ATF6B: variants seen among roughly 807,000 people sequenced by gnomAD.
ATF6B encodes cyclic AMP-dependent transcription factor ATF-6 beta.
A neutral mutation model predicts 83.5 loss-of-function variants in ATF6B; 50 were observed. The observed-to-expected ratio is 0.60, with a 90% CI of 0.48 to 0.76. The LOEUF (loss-of-function observed/expected upper bound fraction) is 0.76. Among genes scored for constraint, ATF6B ranks in the 30% least tolerant of loss-of-function variants. The pLI is 0.00. For synonymous variants in ATF6B, 344 were observed against 362.8 expected, an observed-to-expected ratio of 0.95 and a Z score of 0.59; for missense variants, 790 against 893.8, an observed-to-expected ratio of 0.88 and a Z score of 1.48.
Position 32,115,834 on chromosome 6 carries a change from T to C in ATF6B, c.2017A>G (p.Thr673Ala). ...PPSLRKQPSP[T>A]PGNATGGPLP... ...GGGCCACCTGTGGCATTGCCTGGGG[T>C]TGGGGATGGCTGTTTTCGGAGCGAG... Residue 673 changes from threonine (T) to alanine (A), a missense_variant, in exon 18 of 18, where the codon ACC becomes GCC. This residue lies in a region of ATF6B where 530 missense variants were observed against 632.6 expected (regional missense o/e 0.84). Coordinates refer to ENST00000375203, the MANE Select transcript of ATF6B (RefSeq NM_004381.5). The C allele has an allele frequency of 1.2e-6, 2 of 1,613,710 alleles. No homozygotes were observed. Among genetic ancestry groups the C allele is most frequent in the Non-Finnish European group, 1.7e-6 (2 of 1,179,896 alleles).
chr6:32,127,785 G>T (rs1782049216), intron 1 of ATF6B, 35 bp from the exon 2 acceptor site: 3 of 1,607,144 alleles, frequency 1.9e-6, no homozygotes, highest in South Asian at 1.1e-5. Context: ...GGGTCGTTCG[G>T]TGGCCCCAGC....
rs148278809 is a variant in ATF6B at position 32,127,494 on chromosome 6, C to T, written c.198G>A (p.Gly66=). ...VPFDGSSLDV[G]MDVSPSEPPW... ...GGGGCTCAGAGGGGCTGACATCCAT[C>T]CCCACGTCCAGGGAGCTGCCGTCAA... The change falls in exon 3 of 18, where the codon GGG becomes GGA. Residue 66 remains glycine, a synonymous_variant. Coordinates refer to ENST00000375203, the MANE Select transcript of ATF6B (RefSeq NM_004381.5). 6.2e-7 allele frequency: 1 copy of T among 1,613,306 alleles called. No homozygotes were observed. Among genetic ancestry groups the T allele is most frequent in the African/African-American group, 1.3e-5 (1 of 74,878 alleles).
In ATF6B at chr6:32,119,648, G is replaced by C. The variant is rs1781673486; in HGVS notation, c.966+176C>G. Among the ~76,000 whole-genome samples the C allele has an allele frequency of 6.6e-6, 1 of 152,116 alleles. No individual in the cohort carries two copies. Among genetic ancestry groups the C allele is most frequent in the Non-Finnish European group, 1.5e-5 (1 of 68,026 alleles). On this transcript the variant is annotated intron_variant, in intron 9 of 17. Transcript: ENST00000375203. This position sits in a 1 kb window ranked among gnomAD's most constrained non-coding sequence, Gnocchi z 4.9. ...AAGGACCCTAAAACTACCTGGAGTT[G>C]ATATTCATATAGAAACAGGAGTCCA...
Position 32,116,553 on chromosome 6 carries a change from C to T in ATF6B, c.1809G>A (p.Leu603=), listed in dbSNP as rs1319045945. 3 of 1,598,826 alleles carry T rather than the reference C, an allele frequency of 1.9e-6. No individual in the cohort carries two copies. Among genetic ancestry groups the T allele is most frequent in the Non-Finnish European group, 2.6e-6 (3 of 1,171,178 alleles). ...TCTTGTTGTGGCTGATGGCTGGGAG[C>T]AGCAGGTGGTCCTGGGGAACAGATG... is the stretch of plus-strand genomic sequence containing the variant. ...YVVSFRRDHL[L]LPAISHNKTS... The change falls in exon 17 of 18, where the codon CTG becomes CTA. Residue 603 remains leucine (L), a synonymous_variant. Coordinates refer to ENST00000375203, the MANE Select transcript of ATF6B (RefSeq NM_004381.5). This position sits in a 1 kb window ranked among gnomAD's most constrained non-coding sequence, Gnocchi z 5.1.
chr6:32,120,931 A>G, intron 7 of ATF6B, 29 bp from the exon 8 acceptor site: 1 of 1,524,310 alleles, frequency 6.6e-7, no homozygotes, highest in South Asian at 1.3e-5. Flanking sequence ...AAAGAACAAG[A>G]AATGTCAGGA....
intron 3 of ATF6B, 106 bp from the exon 4 acceptor site, chr6:32,127,300 A>G: frequency 7.3e-7 from 1 of 1,373,010 alleles, no homozygotes; most frequent in Non-Finnish European, 1.0e-6. Flanking sequence ...GCAAGGGAGA[A>G]GAAACAAAAA....
rs764588546 is a variant in ATF6B, at chr6:32,119,529, G to A, written c.966+295C>T. Among the ~76,000 whole-genome samples the A allele has an allele frequency of 2.0e-5, 3 of 152,014 alleles. No individual in the cohort carries two copies. Among genetic ancestry groups the A allele is most frequent in the African/African-American group, 4.8e-5 (2 of 41,366 alleles). On this transcript the variant is annotated intron_variant, in intron 9 of 17. Coordinates refer to ENST00000375203, the MANE Select transcript of ATF6B (RefSeq NM_004381.5). The surrounding 1 kb of genome is among the most constrained non-coding windows in gnomAD (Gnocchi z 4.9). The stretch of plus-strand genomic sequence containing the variant: ...GAGGCAGCCTCCCTCCCCAACTATG[G>A]CCATGACCGTAGTCGTATAGTACAG...
Position 32,119,805 on chromosome 6 carries a change from TCTC to T in ATF6B, c.966+16_966+18del. 1 of 1,612,822 alleles carries T rather than the reference TCTC, an allele frequency of 6.2e-7. No individual in the cohort carries two copies. Among genetic ancestry groups the T allele is most frequent in the African/African-American group, 1.3e-5 (1 of 74,950 alleles). On this transcript the variant is annotated intron_variant, in intron 9 of 17. Transcript: ENST00000375203. This position sits in a 1 kb window ranked among gnomAD's most constrained non-coding sequence, Gnocchi z 4.9. ...CCCTTCCCATCACTCGCCCTACTTCTCTCCTCCCCAACACTTACATCCACTTCA... is the reference window on the plus strand; with the variant it reads ...CCCTTCCCATCACTCGCCCTACTTCTCTCCCCAACACTTACATCCACTTCA...
chr6:32,122,158 G>T (rs1006376411), intron 5 of ATF6B, among the ~76,000 whole-genome samples: 1 of 152,086 alleles, frequency 6.6e-6, no homozygotes, highest in South Asian at 2.1e-4. Context: ...CTGCCTGCTG[G>T]TCCCTTCCAT....
Position 32,115,885 on chromosome 6 carries a change from G to A in ATF6B, c.1966C>T (p.His656Tyr). The change falls in exon 18 of 18, where the codon CAC becomes TAC. Residue 656 changes from histidine (H) to tyrosine (Y), a missense_variant. This residue lies in a region of ATF6B where 530 missense variants were observed against 632.6 expected (regional missense o/e 0.84). Transcript: ENST00000375203. ...ECEVMDTRVI[H>Y]IKTSTVPPSL... ...GGGGGCACTGTGGAGGTCTTGATGT[G>A]AATCACCCTGGTGTCCATGACCTCA... 1 of 1,614,176 alleles carries A rather than the reference G, an allele frequency of 6.2e-7. No homozygotes were observed. Among genetic ancestry groups the A allele is most frequent in the South Asian group, 1.1e-5 (1 of 91,088 alleles).
intron 2 of ATF6B, 57 bp from the exon 3 acceptor site, chr6:32,127,577 G>C: frequency 6.2e-7 from 1 of 1,608,530 alleles, no homozygotes; most frequent in Non-Finnish European, 8.5e-7. Context: ...GAAAGTAGGG[G>C]TGACTCCAGA....
At chr6:32,123,227 C>CAAAAA (rs9279489) in intron 5 of ATF6B, among the ~76,000 whole-genome samples, 1 of 58,932 alleles carries the variant, frequency 1.7e-5, no homozygotes, top group Non-Finnish European at 2.9e-5. Flanking sequence ...AACTCTGTCT[C>CAAAAA]AAAAAAAAAA....
Position 32,126,166 on chromosome 6 carries a change from T to C in ATF6B, c.429A>G (p.Ser143=). The part of the protein sequence containing the change: ...LCLLGDDPTS[S]FETVQINVIP... Reference sequence around the variant, plus strand: ...TAACGTTGATCTGGACGGTTTCAAATGAGGATGTTGGGTCATCTCCCAGGA... The same window carrying C: ...TAACGTTGATCTGGACGGTTTCAAACGAGGATGTTGGGTCATCTCCCAGGA... The change falls in exon 5 of 18, where the codon TCA becomes TCG. Residue 143 remains serine (S), a synonymous_variant. Transcript: ENST00000375203. The C allele has an allele frequency of 6.2e-7, 1 of 1,614,188 alleles. No individual in the cohort carries two copies. Among genetic ancestry groups the C allele is most frequent in the Non-Finnish European group, 8.5e-7 (1 of 1,180,030 alleles).
Position 32,116,846 on chromosome 6 carries a change from G to T in ATF6B, c.1686-31C>A. ...CAGGTGGGGAAACAGGATTTGAGGG[G>T]AACTAAGCCCAATGCTCAGTTTCTA... On this transcript the variant is annotated intron_variant, in intron 15 of 17. Coordinates refer to ENST00000375203, the MANE Select transcript of ATF6B (RefSeq NM_004381.5). The surrounding 1 kb of genome is among the most constrained non-coding windows in gnomAD (Gnocchi z 5.1). 6.2e-7 allele frequency: 1 copy of T among 1,604,792 alleles called. No homozygotes were observed. The highest frequency in any genetic ancestry group is 2.2e-5 in the East Asian group (1 of 44,832).
At position 32,119,895 on chromosome 6, in the gene ATF6B, G is replaced by C; in HGVS notation, c.895C>G (p.Leu299Val). 5 of 1,614,186 alleles carry C rather than the reference G, an allele frequency of 3.1e-6. No individual in the cohort carries two copies. Among genetic ancestry groups the C allele is most frequent in the Non-Finnish European group, 4.2e-6 (5 of 1,180,036 alleles). Residue 299 changes from leucine (L) to valine (V), a missense_variant, in exon 9 of 18, where the codon CTA becomes GTA. Physicochemically the swap from Leu to Val is conservative, Grantham distance 32. This residue lies in a region of ATF6B where 530 missense variants were observed against 632.6 expected (regional missense o/e 0.84). Transcript: ENST00000375203. The surrounding 1 kb of genome is among the most constrained non-coding windows in gnomAD (Gnocchi z 4.9). ...ATGCTCTTCCTCTCAGGCCGTGGTA[G>C]AGAGGGAGCCGGCCCTTCAGGCTGG... ...RVQPEGPAPSLPRPERKSIVP... is the reference protein window; with the variant it reads ...RVQPEGPAPSVPRPERKSIVP...
intron 1 of ATF6B, 90 bp from the exon 2 acceptor site, chr6:32,127,840 G>C: frequency 7.0e-7 from 1 of 1,421,018 alleles, no homozygotes; most frequent in Non-Finnish European, 9.8e-7. Flanking sequence ...CATTGGCTCC[G>C]CTCGGCCAGA....
rs2127333872 is a variant in ATF6B, at chr6:32,117,835, G to A, written c.1424+24C>T. On this transcript the variant is annotated intron_variant, in intron 12 of 17. Coordinates refer to ENST00000375203, the MANE Select transcript of ATF6B (RefSeq NM_004381.5). This position sits in a 1 kb window ranked among gnomAD's most constrained non-coding sequence, Gnocchi z 5.0. The stretch of plus-strand genomic sequence containing the variant: ...ACCAACTCATACCCTCAAACGAGAG[G>A]GGGCCCTCTCTCTCTCTCCTCACCT... 2 of 1,556,618 alleles carry A rather than the reference G, an allele frequency of 1.3e-6. No individual in the cohort carries two copies. Among genetic ancestry groups the A allele is most frequent in the Non-Finnish European group, 1.7e-6 (2 of 1,154,174 alleles).
At chr6:32,126,397 G>A in intron 4 of ATF6B, 145 bp from the exon 5 acceptor site, 1 of 1,005,886 alleles carries the variant, frequency 9.9e-7, no homozygotes. Context: ...GAATGGTACT[G>A]ACCATCTTTC....
At position 32,118,971 on chromosome 6, in the gene ATF6B, C is replaced by T; in HGVS notation, c.1137G>A (p.Glu379=). 1.2e-6 allele frequency: 2 copies of T among 1,614,048 alleles called. No homozygotes were observed. Among genetic ancestry groups the T allele is most frequent in the South Asian group, 2.2e-5 (2 of 91,082 alleles). ...RENAALRRRL[E]ALLAENSELK... ...CTGGTCTTACTTCAGCCAGCAGGGC[C>T]TCCAGCCGCCGCCGGAGGGCAGCAT... is the stretch of plus-strand genomic sequence containing the variant. Residue 379 remains glutamate, a synonymous_variant, in exon 10 of 18, where the codon GAG becomes GAA. Coordinates refer to ENST00000375203, the MANE Select transcript of ATF6B (RefSeq NM_004381.5). The surrounding 1 kb of genome is among the most constrained non-coding windows in gnomAD (Gnocchi z 5.2).
Sources: allele counts gnomAD v4.1 joint callset (sites outside exome capture counted in the v4.1 genomes callset), GRCh38; gene constraint gnomAD v4.1.1; regional missense constraint gnomAD v4.1.1; non-coding constraint Gnocchi (gnomAD v3.1); transcripts MANE v1.5; gene names NCBI Gene and HGNC (gene_info 2026-07-23, HGNC 2026-07-21).